The following KCNH1 variants were observed in gnomAD, a reference collection of about 807,000 sequenced individuals.
The protein encoded by KCNH1 is voltage-gated delayed rectifier potassium channel KCNH1.
Under a neutral mutation model 69.2 loss-of-function variants are expected in KCNH1, and 27 were observed. That is an observed-to-expected ratio of 0.39 (90% CI 0.29 to 0.54). The LOEUF (loss-of-function observed/expected upper bound fraction) is 0.54. Among genes scored for constraint, KCNH1 ranks in the 20% least tolerant of loss-of-function variants. The pLI, the probability that KCNH1 is intolerant of heterozygous loss-of-function variation, is 0.68. For missense variants in KCNH1, 798 were observed against 1,261.6 expected, an observed-to-expected ratio of 0.63 and a Z score of 5.57; for synonymous variants, 456 against 487.7, an observed-to-expected ratio of 0.93 and a Z score of 0.86.
At chr1:210,956,760 T>C (rs928817901) in intron 6 of KCNH1, among the ~76,000 whole-genome samples, 1 of 152,100 alleles carries the variant, frequency 6.6e-6, no homozygotes, top group African/African-American at 2.4e-5. Context: ...GGTGGTGATA[T>C]CCCCTTTTCA....
intron 6 of KCNH1, among the ~76,000 whole-genome samples, chr1:210,941,332 C>T (rs1043965238): frequency 2.2e-4 from 34 of 152,194 alleles, no homozygotes; most frequent in African/African-American, 8.2e-4. Context: ...AAGGTAGAAG[C>T]CTCCAAACAT....
intron 5 of KCNH1, among the ~76,000 whole-genome samples, chr1:211,049,454 T>C (rs1690153243): frequency 6.6e-6 from 1 of 152,156 alleles, no homozygotes; most frequent in Non-Finnish European, 1.5e-5. Flanking sequence ...GACAGGAATG[T>C]GGTGTGGCTG....
At chr1:210,925,466 G>T (rs1390710720) in intron 6 of KCNH1, among the ~76,000 whole-genome samples, 1 of 152,220 alleles carries the variant, frequency 6.6e-6, no homozygotes, top group Non-Finnish European at 1.5e-5. Context: ...GAGGCTCACG[G>T]CCTCAGGCAG....
At chr1:211,043,064 C>CAAGCCA (rs1449395087) in intron 5 of KCNH1, among the ~76,000 whole-genome samples, 5 of 152,016 alleles carry the variant, frequency 3.3e-5, no homozygotes, top group Non-Finnish European at 5.9e-5. Flanking sequence ...GAAACAAGAA[C>CAAGCCA]AAGCCAAACC....
intron 5 of KCNH1, among the ~76,000 whole-genome samples, chr1:211,042,071 G>T (rs1260821276): frequency 1.3e-5 from 2 of 152,064 alleles, no homozygotes; most frequent in Non-Finnish European, 2.9e-5. Flanking sequence ...CTGGCTTTCT[G>T]CAAAGACACC....
intron 10 of KCNH1, among the ~76,000 whole-genome samples, chr1:210,754,063 C>A (rs1159406687): frequency 6.6e-6 from 1 of 151,908 alleles, no homozygotes; most frequent in African/African-American, 2.4e-5. Context: ...TACAGGCGCC[C>A]GCCACTGCGC....
At chr1:210,904,732 A>G (rs1294579527) in intron 7 of KCNH1, among the ~76,000 whole-genome samples, 1 of 151,834 alleles carries the variant, frequency 6.6e-6, no homozygotes, top group African/African-American at 2.4e-5. Flanking sequence ...AAAAGCAATA[A>G]CTCCAGCAGT....
At chr1:210,685,226 A>T (rs1001146902) in intron 10 of KCNH1, among the ~76,000 whole-genome samples, 2 of 152,180 alleles carry the variant, frequency 1.3e-5, no homozygotes, top group Non-Finnish European at 2.9e-5. Context: ...ACGTGTTTTG[A>T]CCCATATCAT....
intron 5 of KCNH1, among the ~76,000 whole-genome samples, chr1:211,077,658 C>A (rs1382313552): frequency 2.0e-5 from 3 of 152,126 alleles, no homozygotes; most frequent in Non-Finnish European, 4.4e-5. Flanking sequence ...AAAAACATAC[C>A]AAATTGTAAA....
Position 210,917,227 on chromosome 1 carries a change from G to GAC in KCNH1, c.1462+2412_1462+2413insGT, listed in dbSNP as rs1558524741. Among the ~76,000 whole-genome samples, 376 of 77,180 alleles carry GAC rather than the reference G, an allele frequency of 4.9e-3. 4 individuals are homozygous for GAC. The highest frequency in any genetic ancestry group is 0.036 in the Middle Eastern group (5 of 140). 50.6% of individuals were successfully genotyped at this position (77,180 alleles called of 152,430 possible). A position where few individuals can be genotyped will look rare whatever the true frequency, so the allele number is the denominator to read the frequency against. The stretch of plus-strand genomic sequence containing the variant: ...AGGGACAGAGAGAGAGAGAGAGAGA[G>GAC]AGAGAAAGAAAGAAAGAAAGAAAGA... On this transcript the variant is annotated intron_variant, in intron 7 of 10. Transcript: ENST00000271751.
intron 7 of KCNH1, among the ~76,000 whole-genome samples, chr1:210,837,288 C>A (rs1178925652): frequency 6.6e-6 from 1 of 152,142 alleles, no homozygotes; most frequent in Non-Finnish European, 1.5e-5. Flanking sequence ...CCTGTGTTCC[C>A]AGAGCTCCCT....
intron 6 of KCNH1, among the ~76,000 whole-genome samples, chr1:210,941,531 C>T (rs1364038943): frequency 1.3e-5 from 2 of 152,306 alleles, no homozygotes; most frequent in African/African-American, 4.8e-5. Flanking sequence ...TCTGTGAGAA[C>T]TGGGCAGGGT....
chr1:211,019,141 A>G lies in KCNH1; in HGVS notation c.674T>C (p.Leu225Ser). The change falls in exon 6 of 11, where the codon TTG becomes TCG. Residue 225 changes from leucine (L) to serine (S), a missense_variant. Around this residue, in one of 4 missense-constraint regions of KCNH1, gnomAD observed 266 missense variants for 457.2 expected, o/e 0.58. Transcript: ENST00000271751. ...GATGGCTGTATAGAAGGTCAAGATCAAGATGATCCAATCCCACGTGGTCTT... is the reference window on the plus strand; with the variant it reads ...GATGGCTGTATAGAAGGTCAAGATCGAGATGATCCAATCCCACGTGGTCTT... Reference protein sequence around the residue: ...VFKTTWDWIILILTFYTAILV... With the variant: ...VFKTTWDWIISILTFYTAILV... 6.2e-7 allele frequency: 1 copy of G among 1,614,030 alleles called. No homozygotes were observed. Among genetic ancestry groups the G allele is most frequent in the Non-Finnish European group, 8.5e-7 (1 of 1,179,938 alleles).
chr1:210,807,687 T>C (rs1334809068), intron 7 of KCNH1, among the ~76,000 whole-genome samples: 2 of 152,140 alleles, frequency 1.3e-5, no homozygotes, highest in African/African-American at 4.8e-5. Flanking sequence ...GTATGTGACC[T>C]TTTGAGATTG....
chr1:210,857,513 G>C (rs1685878803), intron 7 of KCNH1, among the ~76,000 whole-genome samples: 1 of 152,174 alleles, frequency 6.6e-6, no homozygotes, highest in Non-Finnish European at 1.5e-5. Context: ...ACAGAAAGAA[G>C]TCAGGGTGAA....
At chr1:210,888,823 G>A (rs1245047849) in intron 7 of KCNH1, among the ~76,000 whole-genome samples, 1 of 152,152 alleles carries the variant, frequency 6.6e-6, no homozygotes, top group Non-Finnish European at 1.5e-5. Context: ...TAAATTCCTG[G>A]ACACATATAC....
chr1:210,951,087 C>A (rs1688055162), intron 6 of KCNH1, among the ~76,000 whole-genome samples: 2 of 152,226 alleles, frequency 1.3e-5, no homozygotes, highest in South Asian at 2.1e-4. Flanking sequence ...GGGAGTATTT[C>A]CACACAGACT....
chr1:210,897,219 A>G (rs1177784543), intron 7 of KCNH1, among the ~76,000 whole-genome samples: 1 of 152,230 alleles, frequency 6.6e-6, no homozygotes, highest in African/African-American at 2.4e-5. Flanking sequence ...ACCATTATGA[A>G]AAGAAGGTTG....
At chr1:211,104,167 CAG>C (rs977267278) in intron 2 of KCNH1, among the ~76,000 whole-genome samples, 1 of 152,120 alleles carries the variant, frequency 6.6e-6, no homozygotes, top group Admixed American at 6.5e-5. Flanking sequence ...GAGAAGTAAA[CAG>C]AGGCAAGATC....
Sources: allele counts gnomAD v4.1 joint callset (sites outside exome capture counted in the v4.1 genomes callset), GRCh38; gene constraint gnomAD v4.1.1; regional missense constraint gnomAD v4.1.1; transcripts MANE v1.5; gene names NCBI Gene and HGNC (gene_info 2026-07-23, HGNC 2026-07-21).